PLA2G4D: variants seen among roughly 807,000 people sequenced by gnomAD.
PLA2G4D encodes phospholipase A2 group IVD.
A neutral mutation model predicts 94.4 loss-of-function variants in PLA2G4D; 80 were observed. The ratio of observed to expected loss-of-function variants is 0.85; its 90% CI spans 0.71 to 1.02. PLA2G4D has a LOEUF of 1.02. Among genes scored for constraint, PLA2G4D ranks in the 50% least tolerant of loss-of-function variants. The probability of loss-of-function intolerance (pLI) is 0.00; values close to 1 mark genes in which losing one functional copy is unlikely to be tolerated. For synonymous variants in PLA2G4D, 438 were observed against 440.9 expected, an observed-to-expected ratio of 0.99 and a Z score of 0.08; for missense variants, 1,050 against 1,034.7, an observed-to-expected ratio of 1.01 and a Z score of -0.20.
At chr15:42,083,681 G>C in intron 7 of PLA2G4D, 35 bp downstream of exon 7, 1 of 1,612,192 alleles carries the variant, frequency 6.2e-7, no homozygotes, top group Non-Finnish European at 8.5e-7. Flanking sequence ...CCCACATCCA[G>C]GCAGAGTCCA....
intron 1 of PLA2G4D, among the ~76,000 whole-genome samples, chr15:42,090,240 T>A (rs895639787): frequency 1.3e-5 from 2 of 152,210 alleles, no homozygotes; most frequent in Non-Finnish European, 2.9e-5. Context: ...CTTAAAATGT[T>A]AATGCCTGCA....
In PLA2G4D at chr15:42,069,999, G is replaced by A. The variant is rs781609096; in HGVS notation, c.2140C>T (p.His714Tyr). The change falls in exon 19 of 20, where the codon CAC (histidine) becomes TAC (tyrosine). Residue 714 changes from histidine to tyrosine, a missense_variant. His to Tyr is a moderately conservative substitution (Grantham distance 83, BLOSUM62 2). Coordinates refer to ENST00000290472, the MANE Select transcript of PLA2G4D (RefSeq NM_178034.4). ...PQDQHQPREC[H>Y]LFSDPACPEA... ...GGGCAGGCGGGGTCTGAGAAGAGGT[G>A]GCATTCCCTTGGCTGGTGCTGGTCC... is the stretch of plus-strand genomic sequence containing the variant. 7.4e-6 allele frequency: 11 copies of A among 1,493,174 alleles called. No individual in the cohort carries two copies. The South Asian group carries it at 1.1e-4, about 15-fold the overall frequency. The allele number at this position is 1,493,174 out of a possible 1,614,324, so 92.5% of individuals were successfully genotyped here.
chr15:42,071,069 C>T (rs1221193682), intron 17 of PLA2G4D, 54 bp downstream of exon 17: 1 of 1,586,372 alleles, frequency 6.3e-7, no homozygotes, highest in Non-Finnish European at 8.5e-7. Context: ...GTCCCTGCCA[C>T]ACCACCCAGA....
intron 12 of PLA2G4D, among the ~76,000 whole-genome samples, chr15:42,080,131 T>C (rs1269223771): frequency 6.6e-6 from 1 of 152,230 alleles, no homozygotes. Flanking sequence ...TCACTGTGTA[T>C]TTATAACACA....
At chr15:42,092,987 C>G (rs1031653403) in intron 1 of PLA2G4D, among the ~76,000 whole-genome samples, 5 of 152,162 alleles carry the variant, frequency 3.3e-5, no homozygotes, top group African/African-American at 1.2e-4. Context: ...AGGAGTGGAA[C>G]CCCTGGGCAC....
At chr15:42,092,542 G>A (rs1159991099) in intron 1 of PLA2G4D, among the ~76,000 whole-genome samples, 1 of 152,176 alleles carries the variant, frequency 6.6e-6, no homozygotes, top group Non-Finnish European at 1.5e-5. Flanking sequence ...GGGCATAGGG[G>A]CGTCACATTC....
chr15:42,087,639 C>T lies in PLA2G4D; in HGVS notation c.107G>A (p.Trp36Ter), dbSNP rs766129474. The change falls in exon 2 of 20, where the codon TGG (tryptophan) becomes TAG (stop). Residue 36 changes from tryptophan to a stop codon, truncating the protein, a stop_gained. Coordinates refer to ENST00000290472, the MANE Select transcript of PLA2G4D (RefSeq NM_178034.4). LOFTEE classifies it high-confidence loss of function. ...VRVLEARNLR[W>*]ADLLSEADPY... ...GGGCGGTTACTCACACAGGTCAGCC[C>T]AGCGCAGGTTCCGCGCCTCCAGGAC... 6.2e-7 allele frequency: 1 copy of T among 1,614,150 alleles called. No homozygotes were observed. Among genetic ancestry groups the T allele is most frequent in the South Asian group, 1.1e-5 (1 of 91,084 alleles).
chr15:42,078,678 G>A (rs1275387999), intron 13 of PLA2G4D, among the ~76,000 whole-genome samples: 2 of 151,862 alleles, frequency 1.3e-5, no homozygotes, highest in South Asian at 2.1e-4. Flanking sequence ...ACCCATTAAC[G>A]AATTTTTCTT....
At chr15:42,093,964 C>T (rs968432364) in intron 1 of PLA2G4D, among the ~76,000 whole-genome samples, 1 of 152,142 alleles carries the variant, frequency 6.6e-6, no homozygotes, top group Non-Finnish European at 1.5e-5. Flanking sequence ...GATGCAGCCC[C>T]ACAGCTCTTG....
chr15:42,089,272 G>A (rs1031110981), intron 1 of PLA2G4D, among the ~76,000 whole-genome samples: 9 of 152,098 alleles, frequency 5.9e-5, no homozygotes, highest in East Asian at 1.9e-4. Context: ...ACTCGTACCC[G>A]CTCTGCACAG....
intron 17 of PLA2G4D, 64 bp downstream of exon 17, chr15:42,071,059 G>T (rs1349642546): frequency 6.3e-7 from 1 of 1,581,514 alleles, no homozygotes; most frequent in East Asian, 2.2e-5. Context: ...GCCTCAGCCA[G>T]TCCCTGCCAC....
rs747683130 is a variant in PLA2G4D, at chr15:42,083,351, C to T, written c.536-17G>A. ...TGTCCTGATCTAGGGAGAGAGTAGG[C>T]GGGTTAGCATGAGAACAAGAGCCCG... On this transcript the variant is annotated splice_polypyrimidine_tract_variant and intron_variant, in intron 7 of 19. Coordinates refer to ENST00000290472, the MANE Select transcript of PLA2G4D (RefSeq NM_178034.4). The T allele has an allele frequency of 2.6e-5, 41 of 1,606,348 alleles. No individual in the cohort carries two copies. The highest frequency in any genetic ancestry group is 1.7e-4 in the Middle Eastern group (1 of 6,034).
chr15:42,070,789 G>A lies in PLA2G4D; in HGVS notation c.1971C>T (p.Pro657=), dbSNP rs1566859745. Residue 657 remains proline, a synonymous_variant, in exon 18 of 20, where the codon CCC becomes CCT. Transcript: ENST00000290472. ...GCCTGCGGCCTGGCCGGAACATGGA[G>A]GGAGAGCTGGTGTTGATGAAGTAGG... The part of the protein sequence containing the change: ...DAAYFINTSS[P]SMFRPGRRLD... 1.2e-6 allele frequency: 2 copies of A among 1,604,248 alleles called. No homozygotes were observed. The highest frequency in any genetic ancestry group is 1.7e-6 in the Non-Finnish European group (2 of 1,175,256).
intron 13 of PLA2G4D, among the ~76,000 whole-genome samples, chr15:42,073,337 G>C (rs1566860991): frequency 6.6e-6 from 1 of 152,158 alleles, no homozygotes; most frequent in African/African-American, 2.4e-5. Flanking sequence ...TTGCCTTTTG[G>C]GGGAGCCTCC....
Position 42,069,906 on chromosome 15 carries a change from C to A in PLA2G4D, c.2230+3G>T. ...CCTGGGTGCTTGGGAGGGGCTGCCTCACCGGGGGCTGAGTGGTCCTTGAAG... is the reference window on the plus strand; with the variant it reads ...CCTGGGTGCTTGGGAGGGGCTGCCTAACCGGGGGCTGAGTGGTCCTTGAAG... On this transcript the variant is annotated splice_donor_region_variant and intron_variant, in intron 19 of 19. Coordinates refer to ENST00000290472, the MANE Select transcript of PLA2G4D (RefSeq NM_178034.4). The A allele has an allele frequency of 1.4e-6, 2 of 1,411,054 alleles. No individual in the cohort carries two copies. Among genetic ancestry groups the A allele is most frequent in the Non-Finnish European group, 1.8e-6 (2 of 1,082,640 alleles). 87.4% of individuals were successfully genotyped at this position (1,411,054 alleles called of 1,614,324 possible).
At chr15:42,094,282 C>G in intron 1 of PLA2G4D, 133 bp downstream of exon 1, 1 of 985,030 alleles carries the variant, frequency 1.0e-6, no homozygotes, top group Non-Finnish European at 1.5e-6. Context: ...CACTCTGCAT[C>G]CCAAATCTCA....
rs201215679 is a variant in PLA2G4D at position 42,071,284 on chromosome 15, G to A, written c.1715C>T (p.Ser572Leu). Residue 572 changes from serine to leucine, a missense_variant, in exon 17 of 20, where the codon TCG becomes TTG. Transcript: ENST00000290472. Reference protein sequence around the residue: ...KEPLTTSGTSSRLEASWLQPG... With the variant: ...KEPLTTSGTSLRLEASWLQPG... ...CTGCAGCCACGAGGCCTCCAGCCGC[G>A]AGGAGGTCCCCGAGGTGGTCAGGGG... 8.6e-4 allele frequency: 1,380 copies of A among 1,598,064 alleles called. 5 individuals are homozygous for A. Among genetic ancestry groups the A allele is most frequent in the Non-Finnish European group, 7.0e-4 (825 of 1,175,216 alleles).
At chr15:42,075,190 G>A (rs1297568909) in intron 13 of PLA2G4D, among the ~76,000 whole-genome samples, 1 of 152,152 alleles carries the variant, frequency 6.6e-6, no homozygotes, top group Non-Finnish European at 1.5e-5. Context: ...TTCTATTTTT[G>A]TGAACAATTA....
At chr15:42,080,874 C>T (rs373580254) in intron 12 of PLA2G4D, 123 bp downstream of exon 12, 37 of 1,293,940 alleles carry the variant, frequency 2.9e-5, no homozygotes, top group African/African-American at 1.4e-4. Flanking sequence ...AGCTGCTTGG[C>T]GCCCATCAGA....
Sources: gnomAD v4.1 joint callset for allele counts (sites outside exome capture counted in the v4.1 genomes callset) on GRCh38, gnomAD v4.1.1 for gene constraint, MANE v1.5 for transcripts, NCBI Gene and HGNC (gene_info 2026-07-23, HGNC 2026-07-21) for gene names.